The following PGM3 variants were observed in gnomAD, a reference collection of about 807,000 sequenced individuals.
PGM3 encodes phosphoglucomutase 3, also known as phosphoacetylglucosamine mutase.
PGM3 carries 40 observed loss-of-function variants against 66.2 expected under a neutral mutation model. The observed-to-expected ratio is 0.60, with a 90% CI of 0.47 to 0.79. The LOEUF (loss-of-function observed/expected upper bound fraction) is 0.79, where lower values mean the gene tolerates loss of function less well. Among genes scored for constraint, PGM3 ranks in the 30% least tolerant of loss-of-function variants. The pLI is 0.00. For synonymous variants in PGM3, 191 were observed against 224.2 expected (o/e 0.85, Z 1.32); for missense variants, 537 against 643.4 (o/e 0.83, Z 1.79).
At chr6:83,153,661 G>T in the PGM3 span, 1 of 1,467,908 alleles carries the variant, frequency 6.8e-7, no homozygotes, top group South Asian at 1.3e-5. Context: ...TTAATTCATA[G>T]CCTGTTAGAA....
At chr6:83,151,594 G>T in the PGM3 span, 1 of 1,602,138 alleles carries the variant, frequency 6.2e-7, no homozygotes, top group Non-Finnish European at 8.5e-7. Context: ...CCCTTTTAGG[G>T]TTCTGAATGA....
rs1787245806 is a variant in PGM3, at chr6:83,172,019, G to GC, written c.1282dup (p.Ala428GlyfsTer26). ...AGTCAAGCCCTTCAGAGCCAAGATT[G>GC]CTTCAATCACCAGCATGTCAGAAAT... On this transcript the variant is annotated frameshift_variant, in exon 11 of 13. Coordinates refer to ENST00000513973, the MANE Select transcript of PGM3 (RefSeq NM_015599.3). LOFTEE classifies it high-confidence loss of function. The GC allele has an allele frequency of 1.2e-6, 2 of 1,613,452 alleles. No homozygotes were observed. The highest frequency in any genetic ancestry group is 2.7e-5 in the African/African-American group (2 of 74,900).
chr6:83,176,099 A>C (rs912317251), intron 8 of PGM3, 39 bp from the exon 9 acceptor site: 6 of 1,128,872 alleles, frequency 5.3e-6, no homozygotes, highest in Admixed American at 3.4e-5. Context: ...GCAATTACTC[A>C]GATGTCAAAT....
chr6:83,178,694 C>T lies in PGM3; in HGVS notation c.1008G>A (p.Arg336=), dbSNP rs918519577. The T allele has an allele frequency of 1.3e-6, 2 of 1,598,896 alleles. No individual in the cohort carries two copies. Among genetic ancestry groups the T allele is most frequent in the Middle Eastern group, 1.7e-4 (1 of 6,020 alleles). ...QTAYANGSST[R]YLEEVMKVPV... is the part of the protein sequence containing the mutation. ...ATACCTTCATAACTTCTTCAAGATA[C>T]CGTGTTGAACTTCCATTTGCATATG... Residue 336 remains arginine, a synonymous_variant, in exon 8 of 13, where the codon CGG becomes CGA. Transcript: ENST00000513973.
chr6:83,168,257 G>T lies in PGM3; in HGVS notation c.*977C>A. On this transcript the variant is annotated 3_prime_UTR_variant, in exon 13 of 13. Coordinates refer to ENST00000513973, the MANE Select transcript of PGM3 (RefSeq NM_015599.3). ...TGCGTTGTATAGTTTTTCCTTTTTT[G>T]TATGTAACAGAACACATTTCAGATT... 6.8e-7 allele frequency: 1 copy of T among 1,464,366 alleles called. No individual in the cohort carries two copies. The highest frequency in any genetic ancestry group is 9.0e-7 in the Non-Finnish European group (1 of 1,115,308). 90.7% of individuals were successfully genotyped at this position (1,464,366 alleles called of 1,614,324 possible).
chr6:83,179,736 C>T, intron 7 of PGM3, 74 bp downstream of exon 7: 2 of 1,210,558 alleles, frequency 1.7e-6, no homozygotes, highest in Admixed American at 2.4e-5. Flanking sequence ...GCCCTTCTGA[C>T]AAATGATTGT....
At chr6:83,160,975 A>G (rs575573692), downstream of PGM3, among the ~76,000 whole-genome samples, 24 of 149,158 alleles carry the variant, frequency 1.6e-4, no homozygotes, top group Non-Finnish European at 3.0e-4. Context: ...CTTGAAAACC[A>G]TATATATATA....
In PGM3 at chr6:83,165,958, C is replaced by A; in HGVS notation, c.*3276G>T. Reference sequence around the variant, plus strand: ...TGGCAGCAAACCACCAAACAATGACCATGACCATTTTTTGGAGCAAGTTTG... The same window carrying A: ...TGGCAGCAAACCACCAAACAATGACAATGACCATTTTTTGGAGCAAGTTTG... On this transcript the variant is annotated 3_prime_UTR_variant, in exon 13 of 13. Coordinates refer to ENST00000513973, the MANE Select transcript of PGM3 (RefSeq NM_015599.3). The A allele has an allele frequency of 2.9e-6, 1 of 341,718 alleles. No individual in the cohort carries two copies. The highest frequency in any genetic ancestry group is 2.7e-5 in the South Asian group (1 of 36,430). The allele number at this position is 341,718 out of a possible 1,614,324, so 21.2% of individuals were successfully genotyped here. A position where few individuals can be genotyped will look rare whatever the true frequency, so the allele number is the denominator to read the frequency against.
At chr6:83,148,731 C>T in the PGM3 span, 4 of 1,419,902 alleles carry the variant, frequency 2.8e-6, no homozygotes, top group Non-Finnish European at 3.8e-6. Flanking sequence ...TTTATTGTGG[C>T]TTTTGTATAA....
chr6:83,162,222 GTT>G (rs199704410), downstream of PGM3, among the ~76,000 whole-genome samples: 2,717 of 152,096 alleles, frequency 0.018, 50 homozygotes, highest in Admixed American at 0.059. Context: ...CATTTATACT[GTT>G]TGAATTTTTC....
chr6:83,169,496 TTAAA>T, intron 12 of PGM3, 173 bp from the exon 13 acceptor site: 3 of 723,050 alleles, frequency 4.1e-6, no homozygotes, highest in Non-Finnish European at 4.4e-6. Context: ...TCCAAAGCCC[TTAAA>T]TAAACGGAAA....
In PGM3 at chr6:83,166,115, TA is replaced by T. The variant is rs1366248766; in HGVS notation, c.*3118del. The T allele has an allele frequency of 7.0e-6, 3 of 428,518 alleles. No homozygotes were observed. The highest frequency in any genetic ancestry group is 1.2e-5 in the Non-Finnish European group (3 of 242,140). 26.5% of individuals were successfully genotyped at this position (428,518 alleles called of 1,614,324 possible). Reference sequence around the variant, plus strand: ...AATGATTCATTATTGTTGCATAGAATAGAGAAAATGACACTTCAAAACAACG... The same window carrying T: ...AATGATTCATTATTGTTGCATAGAATGAGAAAATGACACTTCAAAACAACG... On this transcript the variant is annotated 3_prime_UTR_variant, in exon 13 of 13. Transcript: ENST00000513973.
rs748440104 is a variant in PGM3 at position 83,172,048 on chromosome 6, A to T, written c.1254T>A (p.Asp418Glu). The T allele has an allele frequency of 6.2e-7, 1 of 1,614,034 alleles. No individual in the cohort carries two copies. The highest frequency in any genetic ancestry group is 1.1e-5 in the South Asian group (1 of 91,068). Residue 418 changes from aspartate (D) to glutamate (E), a missense_variant, in exon 11 of 13, where the codon GAT becomes GAA. Physicochemically the swap from Asp to Glu is conservative, Grantham distance 45. Transcript: ENST00000513973. ...CAATCACCAGCATGTCAGAAATAGCATCACCAGCTGCCTGCAAATGGGGAA... is the reference window on the plus strand; with the variant it reads ...CAATCACCAGCATGTCAGAAATAGCTTCACCAGCTGCCTGCAAATGGGGAA... Reference protein sequence around the residue: ...IIDLFNQAAGDAISDMLVIEA... With the variant: ...IIDLFNQAAGEAISDMLVIEA...
At chr6:83,173,433 G>C (rs917181859) in intron 10 of PGM3, among the ~76,000 whole-genome samples, 3 of 152,108 alleles carry the variant, frequency 2.0e-5, no homozygotes, top group African/African-American at 4.8e-5. Flanking sequence ...GATCCCTTTT[G>C]AGATATTACC....
In PGM3 at chr6:83,167,819, TTGTC is replaced by T. The variant is rs1786166805; in HGVS notation, c.*1411_*1414del. The stretch of plus-strand genomic sequence containing the variant: ...TTTTTAATTTTTCTAACATACCACA[TTGTC>T]TGTTGTATTAATACCAGTTCACTTT... On this transcript the variant is annotated 3_prime_UTR_variant, in exon 13 of 13. Transcript: ENST00000513973. 1 of 1,544,240 alleles carries T rather than the reference TTGTC, an allele frequency of 6.5e-7. No homozygotes were observed. Among genetic ancestry groups the T allele is most frequent in the African/African-American group, 1.4e-5 (1 of 72,166 alleles).
At chr6:83,153,706 TATC>T in the PGM3 span, 5 of 1,231,548 alleles carry the variant, frequency 4.1e-6, 1 homozygote, top group Admixed American at 1.3e-4. Context: ...TTTCTAGAAT[TATC>T]ATAAAATGGC....
At chr6:83,155,138 G>A in the PGM3 span, among the ~76,000 whole-genome samples, 22 of 152,120 alleles carry the variant, frequency 1.4e-4, no homozygotes, top group Non-Finnish European at 2.9e-4. Context: ...AAGGCCTAGG[G>A]TCAAAATATT....
downstream of PGM3, among the ~76,000 whole-genome samples, chr6:83,156,818 A>G (rs1782902655): frequency 6.6e-6 from 1 of 152,102 alleles, no homozygotes; most frequent in Admixed American, 6.5e-5. Context: ...AATGTACACT[A>G]TTTGTCCCTA....
At chr6:83,157,422 C>G (rs1049247440), downstream of PGM3, 4 of 1,247,788 alleles carry the variant, frequency 3.2e-6, no homozygotes, top group Admixed American at 8.2e-5. Flanking sequence ...GAGAACTGAG[C>G]TGTAGTTAAA....
Sources: gnomAD v4.1 joint callset for allele counts (sites outside exome capture counted in the v4.1 genomes callset) on GRCh38, gnomAD v4.1.1 for gene constraint, MANE v1.5 for transcripts, NCBI Gene and HGNC (gene_info 2026-07-23, HGNC 2026-07-21) for gene names.